The following GTF2H3 variants were observed in gnomAD, a reference collection of about 807,000 sequenced individuals.
GTF2H3 encodes the protein general transcription factor IIH subunit 3.
Under a neutral mutation model 51.1 loss-of-function variants are expected in GTF2H3, and 42 were observed. That is an observed-to-expected ratio of 0.82 (90% CI 0.64 to 1.06). GTF2H3 has a LOEUF of 1.06. Among genes scored for constraint, GTF2H3 ranks in the 50% least tolerant of loss-of-function variants. GTF2H3 has a pLI of 0.00. For synonymous variants in GTF2H3, 123 were observed against 123.8 expected, an observed-to-expected ratio of 0.99 and a Z score of 0.04; for missense variants, 326 against 366.1, an observed-to-expected ratio of 0.89 and a Z score of 0.89.
intron 10 of GTF2H3, 62 bp from the exon 11 acceptor site, chr12:123,659,733 G>T: frequency 1.9e-6 from 3 of 1,553,408 alleles, no homozygotes; most frequent in South Asian, 1.1e-5. Flanking sequence ...AGAAGGGTGG[G>T]CTTCATGTTA....
At position 123,634,266 on chromosome 12, in the gene GTF2H3, C is replaced by T. The variant is rs572053013; in HGVS notation, c.13+394C>T. ...GACCTGCCTGGGCAACACAGCCAGA[C>T]CCCATCTCTACAAAAAAAATGAAAT... On this transcript the variant is annotated intron_variant, in intron 1 of 12. Coordinates refer to ENST00000543341, the MANE Select transcript of GTF2H3 (RefSeq NM_001516.5). Among the ~76,000 whole-genome samples the T allele has an allele frequency of 2.0e-5, 3 of 152,156 alleles. No individual in the cohort carries two copies. The South Asian group carries it at 6.2e-4, about 32-fold the overall frequency.
chr12:123,655,808 C>G lies in GTF2H3; in HGVS notation c.599C>G (p.Ser200Ter), dbSNP rs770019312. 6.2e-7 allele frequency: 1 copy of G among 1,600,528 alleles called. No homozygotes were observed. The highest frequency in any genetic ancestry group is 8.6e-7 in the Non-Finnish European group (1 of 1,168,446). ...LIDACVLDSD[S>*]GLLQQACDIT... ...GATGCCTGTGTTTTAGACTCCGACTCAGGGCTCCTCCAACAGGTATGTTTT... is the reference window on the plus strand; with the variant it reads ...GATGCCTGTGTTTTAGACTCCGACTGAGGGCTCCTCCAACAGGTATGTTTT... The change falls in exon 9 of 13, where the codon TCA (serine) becomes TGA (stop). Residue 200 changes from serine to a stop codon, truncating the protein, a stop_gained. Coordinates refer to ENST00000543341, the MANE Select transcript of GTF2H3 (RefSeq NM_001516.5). LOFTEE classifies it high-confidence loss of function.
chr12:123,651,636 A>G (rs969337266), intron 5 of GTF2H3, among the ~76,000 whole-genome samples: 1 of 151,886 alleles, frequency 6.6e-6, no homozygotes, highest in African/African-American at 2.4e-5. Context: ...TGGCTGACAC[A>G]GTGAAACCCC....
chr12:123,651,213 ATTTTT>A (rs370948488), intron 5 of GTF2H3, 157 bp downstream of exon 5: 2 of 535,466 alleles, frequency 3.7e-6, no homozygotes, highest in African/African-American at 3.9e-5. Context: ...TTGGCTTTGA[ATTTTT>A]TTTTCTTTTT....
chr12:123,640,105 C>CTACCT, intron 2 of GTF2H3: 2 of 376,714 alleles, frequency 5.3e-6, no homozygotes, highest in Admixed American at 2.8e-5. Context: ...TGTGATCTGC[C>CTACCT]CGCTTTGGCT....
intron 2 of GTF2H3, among the ~76,000 whole-genome samples, chr12:123,642,273 C>T (rs935291655): frequency 6.6e-6 from 1 of 151,782 alleles, no homozygotes; most frequent in South Asian, 2.1e-4. Context: ...CGAGTTCAAG[C>T]AATTCTCCTG....
intron 9 of GTF2H3, among the ~76,000 whole-genome samples, chr12:123,657,535 C>T (rs1223651859): frequency 6.6e-6 from 1 of 152,232 alleles, no homozygotes; most frequent in Non-Finnish European, 1.5e-5. Context: ...TACTTCTGTG[C>T]CACCTCCTCA....
chr12:123,644,930 T>G (rs1456733134), intron 2 of GTF2H3, among the ~76,000 whole-genome samples: 1 of 152,252 alleles, frequency 6.6e-6, no homozygotes, highest in African/African-American at 2.4e-5. Context: ...ATTTGTGGAA[T>G]ATTGTACTGA....
Position 123,662,397 on chromosome 12 carries a change from A to G in GTF2H3, c.*2162A>G, listed in dbSNP as rs964975711. 6.6e-6 allele frequency: 1 copy of G among 152,138 alleles called. No individual in the cohort carries two copies. The highest frequency in any genetic ancestry group is 2.4e-5 in the African/African-American group (1 of 41,444). The allele number at this position is 152,138 out of a possible 1,614,324, so 9.4% of individuals were successfully genotyped here. On this transcript the variant is annotated 3_prime_UTR_variant, in exon 13 of 13. Transcript: ENST00000543341. ...CTGTCTTTTAAAAATAATATTTTGTATACTAATTAAGTGTAATGGAAATCA... is the reference window on the plus strand; with the variant it reads ...CTGTCTTTTAAAAATAATATTTTGTGTACTAATTAAGTGTAATGGAAATCA...
rs763670748 is a variant in GTF2H3, at chr12:123,659,600, C to T, written c.684+16C>T. 8.1e-6 allele frequency: 13 copies of T among 1,610,256 alleles called. No individual in the cohort carries two copies. The highest frequency in any genetic ancestry group is 5.0e-5 in the Admixed American group (3 of 59,966). ...GTATTTGCTGGTAAGGAGACAGCAG[C>T]GGCGACCCTGATGCCTGGAGGGAAG... On this transcript the variant is annotated intron_variant, in intron 10 of 12. Transcript: ENST00000543341.
chr12:123,653,398 A>G (rs1358593027), intron 7 of GTF2H3, among the ~76,000 whole-genome samples: 1 of 151,730 alleles, frequency 6.6e-6, no homozygotes, highest in African/African-American at 2.4e-5. Context: ...ACGGTGGCTC[A>G]CTCCTGTAAT....
chr12:123,657,007 G>C (rs1351954328), intron 9 of GTF2H3, among the ~76,000 whole-genome samples: 1 of 152,078 alleles, frequency 6.6e-6, no homozygotes. Flanking sequence ...AGGATTGCTT[G>C]AGCCAGGAGT....
intron 3 of GTF2H3, among the ~76,000 whole-genome samples, 181 bp downstream of exon 3, chr12:123,645,742 T>C (rs937585108): frequency 3.9e-5 from 6 of 152,162 alleles, no homozygotes; most frequent in Admixed American, 3.3e-4. Flanking sequence ...TTGCAAACCT[T>C]ATTATTAGTA....
In GTF2H3 at chr12:123,652,534, A is replaced by T. The variant is rs1273199689; in HGVS notation, c.430A>T (p.Ile144Phe). 7 of 1,434,982 alleles carry T rather than the reference A, an allele frequency of 4.9e-6. No individual in the cohort carries two copies. Among genetic ancestry groups the T allele is most frequent in the Non-Finnish European group, 6.7e-6 (7 of 1,042,938 alleles). The allele number at this position is 1,434,982 out of a possible 1,614,324, so 88.9% of individuals were successfully genotyped here. ...AGSLAKALCY[I>F]HRMNKEVKDN... Reference sequence around the variant, plus strand: ...TTCCTTAATGTTAAGAAATTAAGACATTCATAGAATGAACAAGGAAGTTAA... The same window carrying T: ...TTCCTTAATGTTAAGAAATTAAGACTTTCATAGAATGAACAAGGAAGTTAA... Residue 144 changes from isoleucine to phenylalanine, a missense_variant and splice_region_variant, in exon 6 of 13, where the codon ATT becomes TTT. By Grantham distance (21) the Ile-to-Phe change is conservative (BLOSUM62 0). Coordinates refer to ENST00000543341, the MANE Select transcript of GTF2H3 (RefSeq NM_001516.5).
rs560456947 is a variant in GTF2H3 at position 123,646,145 on chromosome 12, T to G, written c.200+584T>G. ...ATAGCCTGCAGCTGATGTGTAAATG[T>G]GACCGCAGATACAGCAAAGTTTTTG... On this transcript the variant is annotated intron_variant, in intron 3 of 12. Coordinates refer to ENST00000543341, the MANE Select transcript of GTF2H3 (RefSeq NM_001516.5). Among the ~76,000 whole-genome samples, 57 of 152,308 alleles carry G rather than the reference T, an allele frequency of 3.7e-4. No individual in the cohort carries two copies. In the East Asian group the frequency reaches 7.1e-3, roughly 19 times the overall value.
At chr12:123,634,784 G>A (rs73416238) in intron 1 of GTF2H3, among the ~76,000 whole-genome samples, 1 of 152,326 alleles carries the variant, frequency 6.6e-6, no homozygotes, top group Non-Finnish European at 1.5e-5. Context: ...TTAAAAGGAG[G>A]CTAGAGGGAT....
At chr12:123,650,858 T>A in intron 4 of GTF2H3, 136 bp from the exon 5 acceptor site, 1 of 612,988 alleles carries the variant, frequency 1.6e-6, no homozygotes. Flanking sequence ...TAAACCTAGT[T>A]TGAAAATGTC....
At position 123,661,215 on chromosome 12, in the gene GTF2H3, A is replaced by G. The variant is rs1955652232; in HGVS notation, c.*980A>G. ...TGTTTATAAGTTCAAAAGCAAAAGT[A>G]TTTGTAATTTCAACAACAAAAAATG... On this transcript the variant is annotated 3_prime_UTR_variant, in exon 13 of 13. Coordinates refer to ENST00000543341, the MANE Select transcript of GTF2H3 (RefSeq NM_001516.5). 6.6e-6 allele frequency: 1 copy of G among 152,246 alleles called. No homozygotes were observed. The highest frequency in any genetic ancestry group is 2.1e-4 in the South Asian group (1 of 4,836). The allele number at this position is 152,246 out of a possible 1,614,324, so 9.4% of individuals were successfully genotyped here.
At chr12:123,639,890 C>T (rs973779727) in intron 2 of GTF2H3, 28 of 405,424 alleles carry the variant, frequency 6.9e-5, no homozygotes, top group Admixed American at 1.8e-4. Context: ...TGTGTGTATG[C>T]GTGCGTGCGT....
Sources: gnomAD v4.1 joint callset for allele counts (sites outside exome capture counted in the v4.1 genomes callset) on GRCh38, gnomAD v4.1.1 for gene constraint, MANE v1.5 for transcripts, NCBI Gene and HGNC (gene_info 2026-07-23, HGNC 2026-07-21) for gene names.